FNDC3B: variants seen among roughly 807,000 people sequenced by gnomAD.
The protein encoded by FNDC3B is fibronectin type III domain containing 3B.
FNDC3B carries 12 observed loss-of-function variants against 151.5 expected under a neutral mutation model. The ratio of observed to expected loss-of-function variants is 0.08; its 90% CI spans 0.05 to 0.13. FNDC3B has a LOEUF of 0.13. Among genes scored for constraint, FNDC3B ranks in the 10% least tolerant of loss-of-function variants. The pLI, the probability that FNDC3B is intolerant of heterozygous loss-of-function variation, is 1.00. For missense variants in FNDC3B, 1,214 were observed against 1,505.3 expected, an observed-to-expected ratio of 0.81 and a Z score of 3.20; for synonymous variants, 528 against 549.0, an observed-to-expected ratio of 0.96 and a Z score of 0.54.
intron 6 of FNDC3B, among the ~76,000 whole-genome samples, chr3:172,267,114 C>T (rs570448114): frequency 1.3e-5 from 2 of 152,254 alleles, no homozygotes; most frequent in African/African-American, 4.8e-5. Flanking sequence ...AGAGCTACCT[C>T]CTCTCTTTAG....
intron 3 of FNDC3B, among the ~76,000 whole-genome samples, chr3:172,149,807 T>TTTTTTTTTG (rs1722118258): frequency 1.1e-3 from 3 of 2,774 alleles, no homozygotes; most frequent in African/African-American, 1.9e-3. Context: ...ATGTTGGGTG[T>TTTTTTTTTG]TTTTTTTTTT....
chr3:172,107,570 A>C (rs1719722910), intron 1 of FNDC3B, among the ~76,000 whole-genome samples: 1 of 152,118 alleles, frequency 6.6e-6, no homozygotes, highest in African/African-American at 2.4e-5. Flanking sequence ...GAAAGAAGGA[A>C]CCCAGACCAA....
chr3:172,161,425 A>G (rs79918299), intron 3 of FNDC3B, among the ~76,000 whole-genome samples: 8,085 of 152,290 alleles, frequency 0.053, 265 homozygotes, highest in African/African-American at 0.097. Context: ...CTTTGCATGC[A>G]TATATGATTT....
chr3:172,246,304 G>T (rs1315174343), intron 4 of FNDC3B, among the ~76,000 whole-genome samples: 1 of 151,900 alleles, frequency 6.6e-6, no homozygotes, highest in Non-Finnish European at 1.5e-5. Context: ...GGTTTACTCC[G>T]TGTCCACTTC....
chr3:172,323,114 A>G (rs1179246662), intron 11 of FNDC3B, among the ~76,000 whole-genome samples: 1 of 152,234 alleles, frequency 6.6e-6, no homozygotes, highest in African/African-American at 2.4e-5. Flanking sequence ...CAAATTTGAA[A>G]GAAATTGAAA....
intron 3 of FNDC3B, among the ~76,000 whole-genome samples, chr3:172,164,833 A>G (rs1439505345): frequency 6.6e-6 from 1 of 152,234 alleles, no homozygotes; most frequent in African/African-American, 2.4e-5. Context: ...TTAGAAAGAA[A>G]AGGTAACAAA....
intron 15 of FNDC3B, among the ~76,000 whole-genome samples, chr3:172,336,616 G>T (rs1732979441): frequency 6.6e-6 from 1 of 152,072 alleles, no homozygotes; most frequent in Non-Finnish European, 1.5e-5. Flanking sequence ...AAAGAATCTT[G>T]TTGGCCGGGC....
intron 1 of FNDC3B, among the ~76,000 whole-genome samples, chr3:172,103,149 C>T (rs1271564778): frequency 6.6e-6 from 1 of 152,146 alleles, no homozygotes; most frequent in East Asian, 1.9e-4. Flanking sequence ...ACAAAGCAAA[C>T]GAACCTTTGG....
At chr3:172,086,539 A>G (rs1386448342) in intron 1 of FNDC3B, among the ~76,000 whole-genome samples, 1 of 152,186 alleles carries the variant, frequency 6.6e-6, no homozygotes. Flanking sequence ...TGAATTGCCT[A>G]TTTGATTATG....
chr3:172,373,422 A>G (rs961600550), intron 23 of FNDC3B, among the ~76,000 whole-genome samples: 13 of 152,198 alleles, frequency 8.5e-5, no homozygotes, highest in African/African-American at 2.7e-4. Context: ...GTCATTCTAC[A>G]TATAAGAGGA....
intron 3 of FNDC3B, among the ~76,000 whole-genome samples, chr3:172,159,245 C>T (rs144039178): frequency 3.9e-5 from 6 of 152,328 alleles, no homozygotes; most frequent in Non-Finnish European, 8.8e-5. Flanking sequence ...CACCATTGCA[C>T]TCCAGCCTGG....
chr3:172,329,084 GT>G lies in FNDC3B; in HGVS notation c.1379+11del. 1 of 1,607,216 alleles carries G rather than the reference GT, an allele frequency of 6.2e-7. No homozygotes were observed. Among genetic ancestry groups the G allele is most frequent in the Non-Finnish European group, 8.5e-7 (1 of 1,175,688 alleles). On this transcript the variant is annotated intron_variant, in intron 12 of 25. Coordinates refer to ENST00000415807, the MANE Select transcript of FNDC3B (RefSeq NM_022763.4). The stretch of plus-strand genomic sequence containing the variant: ...AAACGACATTGGTACCAGGTATGAC[GT>G]TTCCTTGTCCTCTTGCCCTTCAGCC...
intron 1 of FNDC3B, among the ~76,000 whole-genome samples, chr3:172,061,944 A>G (rs1347436814): frequency 2.0e-5 from 3 of 152,210 alleles, no homozygotes; most frequent in Admixed American, 1.3e-4. Context: ...TGCATAAACC[A>G]GGTTACTAGG....
At chr3:172,369,025 A>T (rs187408321) in intron 23 of FNDC3B, among the ~76,000 whole-genome samples, 2 of 152,330 alleles carry the variant, frequency 1.3e-5, no homozygotes, top group Admixed American at 1.3e-4. Flanking sequence ...AAAAGAAAGT[A>T]ACATTTTTGT....
chr3:172,138,750 T>C (rs1045642166), intron 3 of FNDC3B, among the ~76,000 whole-genome samples: 2 of 152,228 alleles, frequency 1.3e-5, no homozygotes, highest in African/African-American at 4.8e-5. Context: ...AATTTAGGAA[T>C]CTTTTACCAT....
At chr3:172,370,277 A>G (rs1056280773) in intron 23 of FNDC3B, among the ~76,000 whole-genome samples, 7 of 152,212 alleles carry the variant, frequency 4.6e-5, no homozygotes, top group African/African-American at 1.7e-4. Flanking sequence ...TTTTAAAGAA[A>G]CATTCTAAAG....
intron 3 of FNDC3B, among the ~76,000 whole-genome samples, chr3:172,171,618 TGG>T (rs773760136): frequency 2.4e-5 from 3 of 126,620 alleles, no homozygotes; most frequent in East Asian, 2.1e-4. Context: ...TTTTTTTTTT[TGG>T]AAAGTGCAGA....
intron 2 of FNDC3B, among the ~76,000 whole-genome samples, chr3:172,132,231 CACAG>C (rs571123250): frequency 9.2e-5 from 14 of 152,058 alleles, no homozygotes; most frequent in Non-Finnish European, 1.5e-4. Context: ...GGAAGAGTAT[CACAG>C]ACAGAGGAAA....
rs193226447 is a variant in FNDC3B at position 172,344,117 on chromosome 3, C to T, written c.2109C>T (p.Val703=). The T allele has an allele frequency of 3.7e-6, 6 of 1,613,262 alleles. No homozygotes were observed. The highest frequency in any genetic ancestry group is 4.2e-6 in the Non-Finnish European group (5 of 1,179,600). ...DVPASESGCE[V]SEYSVEMTEP... ...CTGCATCGGAAAGTGGCTGTGAGGT[C>T]TCAGAGTACAGCGTGGAGATGACGG... Residue 703 remains valine, a synonymous_variant, in exon 19 of 26, where the codon GTC becomes GTT. Coordinates refer to ENST00000415807, the MANE Select transcript of FNDC3B (RefSeq NM_022763.4).
Sources: allele counts gnomAD v4.1 joint callset (sites outside exome capture counted in the v4.1 genomes callset), GRCh38; gene constraint gnomAD v4.1.1; transcripts MANE v1.5; gene names NCBI Gene and HGNC (gene_info 2026-07-23, HGNC 2026-07-21).